Variants in CUX2 observed in about 807,000 individuals in gnomAD.
CUX2 encodes homeobox protein cut-like 2.
CUX2 carries 40 observed loss-of-function variants against 144.8 expected under a neutral mutation model. The ratio of observed to expected loss-of-function variants is 0.28; its 90% CI spans 0.21 to 0.36. The LOEUF is 0.36. Ranked by LOEUF, CUX2 falls within the 10% of genes least tolerant of loss-of-function variation. The probability of loss-of-function intolerance (pLI) is 1.00; values close to 1 mark genes in which losing one functional copy is unlikely to be tolerated. For synonymous variants in CUX2, 827 were observed against 875.6 expected (o/e 0.94, Z 0.98); for missense variants, 1,615 against 1,994.0 (o/e 0.81, Z 3.62).
chr12:111,156,183 T>C lies in CUX2; in HGVS notation c.64-58017T>C, dbSNP rs574424589. Reference sequence around the variant, plus strand: ...TAGGCTGTGATTGAGATGTAATTAATAGCACTAATTACTCTTCCCTTGCTC... The same window carrying C: ...TAGGCTGTGATTGAGATGTAATTAACAGCACTAATTACTCTTCCCTTGCTC... On this transcript the variant is annotated intron_variant, in intron 1 of 21. Coordinates refer to ENST00000261726, the MANE Select transcript of CUX2 (RefSeq NM_015267.4). 1.2e-4 allele frequency among the ~76,000 whole-genome samples: 18 copies of C among 152,332 alleles called. No homozygotes were observed. In the South Asian group the frequency reaches 3.5e-3, roughly 30 times the overall value.
chr12:111,038,855 G>A (rs1869594854), intron 1 of CUX2, among the ~76,000 whole-genome samples: 3 of 152,208 alleles, frequency 2.0e-5, no homozygotes, highest in Middle Eastern at 3.4e-3. Context: ...AAGCAAATAA[G>A]TGTCTCGGTG....
intron 3 of CUX2, among the ~76,000 whole-genome samples, chr12:111,243,918 C>T (rs1476619414): frequency 1.3e-5 from 2 of 152,090 alleles, no homozygotes; most frequent in African/African-American, 4.8e-5. Flanking sequence ...CATGTGCCTG[C>T]TCTTTGTATG....
Position 111,225,239 on chromosome 12 carries a change from G to A in CUX2, c.222+7302G>A, listed in dbSNP as rs376528101. On this transcript the variant is annotated intron_variant, in intron 3 of 21. Transcript: ENST00000261726. ...GCCCACCACATGGTGAGTGTTCAGT[G>A]AGCATGAGTTGGCATTCCCAGCAGG... 9.8e-5 allele frequency among the ~76,000 whole-genome samples: 15 copies of A among 152,332 alleles called. No individual in the cohort carries two copies. The South Asian group carries it at 3.1e-3, about 32-fold the overall frequency.
chr12:111,261,459 T>C (rs1162542020), intron 3 of CUX2, among the ~76,000 whole-genome samples: 1 of 148,496 alleles, frequency 6.7e-6, no homozygotes, highest in Non-Finnish European at 1.5e-5. Context: ...CCTCCTCCTG[T>C]GCATTTGTTT....
At chr12:111,207,245 A>G (rs915801938) in intron 1 of CUX2, among the ~76,000 whole-genome samples, 1 of 152,132 alleles carries the variant, frequency 6.6e-6, no homozygotes, top group African/African-American at 2.4e-5. Context: ...TACAAAAGAC[A>G]TGTTAGGGTT....
chr12:111,137,364 T>TTG (rs146487590), intron 1 of CUX2, among the ~76,000 whole-genome samples: 3,917 of 148,544 alleles, frequency 0.026, 164 homozygotes, highest in African/African-American at 0.096. Flanking sequence ...GTTGTTGTTG[T>TTG]TTGTTGATGT....
Position 111,347,899 on chromosome 12 carries a change from T to C in CUX2, c.4035T>C (p.Ala1345=). ...GTAATGATGGACTCCCAAAAGTGGC[T>C]CCCGGGCCCCTCCTTCCAGGTGGAT... ...PPGNDGLPKV[A]PGPLLPGGST... The change falls in exon 22 of 22, where the codon GCT becomes GCC. Residue 1345 remains alanine, a synonymous_variant. Coordinates refer to ENST00000261726, the MANE Select transcript of CUX2 (RefSeq NM_015267.4). The C allele has an allele frequency of 6.2e-7, 1 of 1,613,970 alleles. No individual in the cohort carries two copies. The highest frequency in any genetic ancestry group is 8.5e-7 in the Non-Finnish European group (1 of 1,179,982).
rs536154075 is a variant in CUX2, at chr12:111,144,197, G to A, written c.64-70003G>A. Among the ~76,000 whole-genome samples the A allele has an allele frequency of 3.3e-5, 5 of 152,310 alleles. No individual in the cohort carries two copies. In the East Asian group the frequency reaches 7.7e-4, roughly 24 times the overall value. ...TGTCTCACTAATGATGCCCAGAACT[G>A]TGTTTGGGACACAGAAGGTGCTTAA... On this transcript the variant is annotated intron_variant, in intron 1 of 21. Transcript: ENST00000261726.
chr12:111,115,293 TTTTTTTTTTTG>T (rs1369261481), intron 1 of CUX2, among the ~76,000 whole-genome samples: 1 of 142,584 alleles, frequency 7.0e-6, no homozygotes, highest in Admixed American at 7.0e-5. Flanking sequence ...TTTTTTTTTT[TTTTTTTTTTTG>T]AGATAGAGTC....
Position 111,263,977 on chromosome 12 carries a change from G to C in CUX2, c.301+138G>C. The C allele has an allele frequency of 1.3e-6, 1 of 752,358 alleles. No individual in the cohort carries two copies. The highest frequency in any genetic ancestry group is 2.3e-6 in the Non-Finnish European group (1 of 442,132). The allele number at this position is 752,358 out of a possible 1,614,324, so 46.6% of individuals were successfully genotyped here. On this transcript the variant is annotated intron_variant, in intron 4 of 21. Transcript: ENST00000261726. The surrounding 1 kb of genome is among the most constrained non-coding windows in gnomAD (Gnocchi z 4.0). The stretch of plus-strand genomic sequence containing the variant: ...GAGGCCAGGCACTCTGTATAGGGCA[G>C]GGGGAGCTGTGGCCAGTCTGGTGTG...
chr12:111,335,804 G>A (rs1343135317), intron 19 of CUX2, among the ~76,000 whole-genome samples: 1 of 152,152 alleles, frequency 6.6e-6, no homozygotes, highest in Non-Finnish European at 1.5e-5. Flanking sequence ...TCCTCAGGAA[G>A]CTGAGGCAGG....
At chr12:111,115,279 CTTTTTTT>C (rs869307048) in intron 1 of CUX2, among the ~76,000 whole-genome samples, 2,703 of 88,768 alleles carry the variant, frequency 0.03, 77 homozygotes, top group African/African-American at 0.11. Context: ...AATAAAATTT[CTTTTTTT>C]TTTTTTTTTT....
At chr12:111,211,308 G>A (rs1001092068) in intron 1 of CUX2, among the ~76,000 whole-genome samples, 1 of 152,132 alleles carries the variant, frequency 6.6e-6, no homozygotes, top group African/African-American at 2.4e-5. Context: ...TGAGGGGACT[G>A]GTGATATCCC....
chr12:111,271,191 G>A (rs1413897708), intron 4 of CUX2, among the ~76,000 whole-genome samples: 1 of 152,118 alleles, frequency 6.6e-6, no homozygotes, highest in Non-Finnish European at 1.5e-5. Flanking sequence ...TATAGAATAG[G>A]AAAATGCTCT....
chr12:111,202,288 A>G (rs1880643176), intron 1 of CUX2, among the ~76,000 whole-genome samples: 1 of 152,146 alleles, frequency 6.6e-6, no homozygotes, highest in African/African-American at 2.4e-5. Context: ...AGTGGGGGCT[A>G]TTTTGTTTTC....
At position 111,034,227 on chromosome 12, in the gene CUX2, T is replaced by C; in HGVS notation, c.50T>C (p.Leu17Pro). The C allele has an allele frequency of 1.4e-6, 2 of 1,394,550 alleles. No individual in the cohort carries two copies. The highest frequency in any genetic ancestry group is 1.9e-6 in the Non-Finnish European group (2 of 1,044,894). The allele number at this position is 1,394,550 out of a possible 1,614,324, so 86.4% of individuals were successfully genotyped here. Reference protein sequence around the residue: ...SMFQYWKRFDLRRLQKELNSV... With the variant: ...SMFQYWKRFDPRRLQKELNSV... ...TTTCAATATTGGAAGCGATTTGATC[T>C]ACGGCGACTCCAGGTTAGTGCGGGC... is the stretch of plus-strand genomic sequence containing the variant. The change falls in exon 1 of 22, where the codon CTA becomes CCA. Residue 17 changes from leucine to proline, a missense_variant. Leu to Pro is a moderately conservative substitution (Grantham distance 98). Coordinates refer to ENST00000261726, the MANE Select transcript of CUX2 (RefSeq NM_015267.4). The surrounding 1 kb of genome is among the most constrained non-coding windows in gnomAD (Gnocchi z 4.2).
intron 3 of CUX2, among the ~76,000 whole-genome samples, chr12:111,227,004 A>G (rs543854526): frequency 6.6e-6 from 1 of 152,190 alleles, no homozygotes; most frequent in Non-Finnish European, 1.5e-5. Flanking sequence ...CTCAGTGCTC[A>G]CGTCTGCCTC....
chr12:111,109,223 C>G (rs1361295233), intron 1 of CUX2, among the ~76,000 whole-genome samples: 1 of 152,186 alleles, frequency 6.6e-6, no homozygotes, highest in East Asian at 1.9e-4. Flanking sequence ...TACAGGGAAA[C>G]CGCCCCTCAT....
At chr12:111,102,100 T>G (rs1479752347) in intron 1 of CUX2, among the ~76,000 whole-genome samples, 3 of 152,194 alleles carry the variant, frequency 2.0e-5, no homozygotes, top group African/African-American at 7.2e-5. Flanking sequence ...CCTTGCCCAC[T>G]GTGTGCTGCT....
Sources: allele counts gnomAD v4.1 joint callset (sites outside exome capture counted in the v4.1 genomes callset), GRCh38; gene constraint gnomAD v4.1.1; non-coding constraint Gnocchi (gnomAD v3.1); transcripts MANE v1.5; gene names NCBI Gene and HGNC (gene_info 2026-07-23, HGNC 2026-07-21).